Variants in IDS observed in about 807,000 individuals in gnomAD.
IDS encodes iduronate 2-sulfatase.
A neutral mutation model predicts 33.5 loss-of-function variants in IDS; 1 was observed. The ratio of observed to expected loss-of-function variants is 0.03; its 90% confidence interval spans 0.01 to 0.14. IDS has a LOEUF of 0.14. IDS is among the 10% of genes least tolerant of loss of function. IDS has a pLI of 1.00. For missense variants in IDS, 328 were observed against 448.0 expected, an observed-to-expected ratio of 0.73 and a Z score of 2.42; for synonymous variants, 191 against 184.4, an observed-to-expected ratio of 1.04 and a Z score of -0.29.
chrX:149,485,081 G>A (rs1301425636), intron 8 of IDS, among the ~76,000 whole-genome samples: 1 of 111,999 alleles, frequency 8.9e-6, no homozygotes, highest in Non-Finnish European at 1.9e-5. Context: ...CAGGCTGTGG[G>A]ACACTGTTAT....
At chrX:149,502,231 C>A in intron 3 of IDS, 1 of 316,488 alleles carries the variant, frequency 3.2e-6, no homozygotes, top group South Asian at 2.8e-5. Context: ...AGCCTGGTGC[C>A]AAAATCCAAT....
chrX:149,494,258 A>G (rs781893717), intron 6 of IDS, among the ~76,000 whole-genome samples: 1 of 112,093 alleles, frequency 8.9e-6, no homozygotes, highest in South Asian at 3.7e-4. Flanking sequence ...GAAGTACAGT[A>G]AGTCACCTGC....
chrX:149,497,575 G>T (rs2124044638), intron 5 of IDS, among the ~76,000 whole-genome samples: 1 of 112,558 alleles, frequency 8.9e-6, no homozygotes, highest in Admixed American at 9.4e-5. Context: ...CATAAAACAT[G>T]ATAGGGAAAA....
At chrX:149,501,071 G>A (rs1557339936) in intron 3 of IDS, 34 bp from the exon 4 acceptor site, 4 of 911,089 alleles carry the variant, frequency 4.4e-6, no homozygotes, top group Admixed American at 2.2e-5. Context: ...AAAACATGAT[G>A]AGTCTTTCAA....
intron 8 of IDS, 88 bp downstream of exon 8, chrX:149,486,837 C>A (rs1602730219): frequency 9.6e-7 from 1 of 1,039,039 alleles, no homozygotes. Flanking sequence ...CTGTGTAACC[C>A]CCAAAGCCTA....
At chrX:149,487,361 C>T (rs1557338227) in intron 7 of IDS, 1 of 975,895 alleles carries the variant, frequency 1.0e-6, no homozygotes, top group South Asian at 2.0e-5. Flanking sequence ...AATATCTTAA[C>T]AAACTACTAG....
chrX:149,491,966 A>AGCTGGAGCT (rs1232643444), intron 6 of IDS, among the ~76,000 whole-genome samples: 1 of 112,554 alleles, frequency 8.9e-6, no homozygotes, highest in African/African-American at 3.2e-5. Flanking sequence ...AGCCCCGAGA[A>AGCTGGAGCT]GCTGGAGCTG....
intron 2 of IDS, 119 bp from the exon 3 acceptor site, chrX:149,503,608 T>C (rs2089498698): frequency 5.4e-6 from 4 of 737,637 alleles, no homozygotes; most frequent in Admixed American, 5.3e-5. Context: ...AGCTGAGTCA[T>C]GCAGAGCTCA....
At chrX:149,493,035 C>T (rs1222844581) in intron 6 of IDS, among the ~76,000 whole-genome samples, 1 of 111,452 alleles carries the variant, frequency 9.0e-6, no homozygotes, top group Non-Finnish European at 1.9e-5. Context: ...CCTGACCACG[C>T]GGAAGCCTAT....
Position 149,482,556 on chromosome X carries a change from T to G in IDS, c.*190A>C. ...ACTGGTCCAATTACCAATTATAAAT[T>G]TTAATAAAGACTAAACGAAAAGGTT... On this transcript the variant is annotated 3_prime_UTR_variant, in exon 9 of 9. Coordinates refer to ENST00000340855, the MANE Select transcript of IDS (RefSeq NM_000202.8). The G allele has an allele frequency of 1.6e-6, 1 of 614,262 alleles. No individual in the cohort carries two copies. Among genetic ancestry groups the G allele is most frequent in the Non-Finnish European group, 2.4e-6 (1 of 415,814 alleles). 50.6% of individuals were successfully genotyped at this position (614,262 alleles called of 1,213,427 possible). A position where few individuals can be genotyped will look rare whatever the true frequency, so the allele number is the denominator to read the frequency against.
chrX:149,480,651 T>C lies in IDS; in HGVS notation c.*2095A>G, dbSNP rs2089291013. On this transcript the variant is annotated 3_prime_UTR_variant, in exon 9 of 9. Transcript: ENST00000340855. ...TGCACCACCACACCCGGCTAACTTT[T>C]GTATTTTTAGTAGAGACGGGGTTTC... is the stretch of plus-strand genomic sequence containing the variant. The C allele has an allele frequency of 4.2e-6, 1 of 235,586 alleles. No individual in the cohort carries two copies. Among genetic ancestry groups the C allele is most frequent in the African/African-American group, 2.8e-5 (1 of 35,210 alleles). 19.4% of individuals were successfully genotyped at this position (235,586 alleles called of 1,213,427 possible). A position where few individuals can be genotyped will look rare whatever the true frequency, so the allele number is the denominator to read the frequency against.
Position 149,478,059 on chromosome X carries a change from C to A in IDS, c.*4687G>T, listed in dbSNP as rs1426992634. ...ACTTGGGAAAGGAAAAGGGGCTGAG[C>A]CTCTATTTGGGAGTTTATACCCAAA... On this transcript the variant is annotated 3_prime_UTR_variant, in exon 9 of 9. Transcript: ENST00000340855. 1 of 111,881 alleles carries A rather than the reference C, an allele frequency of 8.9e-6. No individual in the cohort carries two copies. The allele number at this position is 111,881 out of a possible 1,213,427, so 9.2% of individuals were successfully genotyped here. A position where few individuals can be genotyped will look rare whatever the true frequency, so the allele number is the denominator to read the frequency against.
In IDS at chrX:149,484,955, G is replaced by A. The variant is rs189964204; in HGVS notation, c.1181-1737C>T. Among the ~76,000 whole-genome samples, 16 of 112,004 alleles carry A rather than the reference G, an allele frequency of 1.4e-4. No individual in the cohort carries two copies. The South Asian group carries it at 2.2e-3, about 16-fold the overall frequency. On this transcript the variant is annotated intron_variant, in intron 8 of 8. Coordinates refer to ENST00000340855, the MANE Select transcript of IDS (RefSeq NM_000202.8). ...TGTTCAAACTTACAATACTAGTAACGCTGGCCATGAAGTGCCCCCACCATG... is the reference window on the plus strand; with the variant it reads ...TGTTCAAACTTACAATACTAGTAACACTGGCCATGAAGTGCCCCCACCATG...
intron 8 of IDS, among the ~76,000 whole-genome samples, chrX:149,484,202 T>C (rs1557337780): frequency 8.9e-6 from 1 of 112,619 alleles, no homozygotes; most frequent in African/African-American, 3.2e-5. Flanking sequence ...TAATTCTATG[T>C]TTAACTCTGA....
rs1351340369 is a variant in IDS, at chrX:149,481,588, CTG to C, written c.*1156_*1157del. On this transcript the variant is annotated 3_prime_UTR_variant, in exon 9 of 9. Coordinates refer to ENST00000340855, the MANE Select transcript of IDS (RefSeq NM_000202.8). ...TGACACTTCTGATGACTACTGATAA[CTG>C]AGAAGATTCAACATGTTATAAATAT... 8.9e-6 allele frequency: 1 copy of C among 111,777 alleles called. No individual in the cohort carries two copies. Among genetic ancestry groups the C allele is most frequent in the African/African-American group, 3.3e-5 (1 of 30,733 alleles). 9.2% of individuals were successfully genotyped at this position (111,777 alleles called of 1,213,427 possible).
In IDS at chrX:149,480,525, G is replaced by A; in HGVS notation, c.*2221C>T. The A allele has an allele frequency of 3.4e-6, 1 of 295,710 alleles. No individual in the cohort carries two copies. Among genetic ancestry groups the A allele is most frequent in the Non-Finnish European group, 5.9e-6 (1 of 169,354 alleles). The allele number at this position is 295,710 out of a possible 1,213,427, so 24.4% of individuals were successfully genotyped here. A position where few individuals can be genotyped will look rare whatever the true frequency, so the allele number is the denominator to read the frequency against. ...AATCACAGTCCTGCTGTGTTGCCGA[G>A]GCTGGAATACAATGGCACGATCTTC... On this transcript the variant is annotated 3_prime_UTR_variant, in exon 9 of 9. Transcript: ENST00000340855.
At chrX:149,484,558 G>A (rs1412693720) in intron 8 of IDS, among the ~76,000 whole-genome samples, 1 of 112,746 alleles carries the variant, frequency 8.9e-6, no homozygotes, top group African/African-American at 3.2e-5. Context: ...CTGACCTCGT[G>A]ATCCGCCCAC....
chrX:149,501,089 C>T, intron 3 of IDS, 52 bp from the exon 4 acceptor site: 2 of 753,430 alleles, frequency 2.7e-6, no homozygotes, highest in South Asian at 4.2e-5. Context: ...CAACACCCCA[C>T]TCCCCATAAT....
rs781966006 is a variant in IDS at position 149,489,043 on chromosome X, G to T, written c.1006+1271C>A. ...GTTTTACTGGCTCCCAGGCGGTTCT[G>T]ATGGAGGATGTCCCAGGAGGGGACT... On this transcript the variant is annotated intron_variant, in intron 7 of 8. Coordinates refer to ENST00000340855, the MANE Select transcript of IDS (RefSeq NM_000202.8). Among the ~76,000 whole-genome samples, 4 of 111,848 alleles carry T rather than the reference G, an allele frequency of 3.6e-5. No individual in the cohort carries two copies. In the South Asian group the frequency reaches 1.5e-3, roughly 43 times the overall value.
Sources: allele counts gnomAD v4.1 joint callset (sites outside exome capture counted in the v4.1 genomes callset), GRCh38; gene constraint gnomAD v4.1.1; transcripts MANE v1.5; gene names NCBI Gene and HGNC (gene_info 2026-07-23, HGNC 2026-07-21).